Variants in ST18 observed in about 807,000 individuals in gnomAD.
The protein encoded by ST18 is ST18 C2H2C-type zinc finger transcription factor, also known as suppression of tumorigenicity 18 protein.
ST18 carries 50 observed loss-of-function variants against 110.0 expected under a neutral mutation model. The observed-to-expected ratio is 0.45, with a 90% CI of 0.36 to 0.58. The LOEUF (loss-of-function observed/expected upper bound fraction) is 0.58, where lower values mean the gene tolerates loss of function less well. Ranked by LOEUF, ST18 falls within the 20% of genes least tolerant of loss-of-function variation. The probability of loss-of-function intolerance (pLI) is 0.00; values close to 1 mark genes in which losing one functional copy is unlikely to be tolerated. For synonymous variants in ST18, 461 were observed against 452.4 expected, an observed-to-expected ratio of 1.02 and a Z score of -0.24; for missense variants, 1,306 against 1,280.1, an observed-to-expected ratio of 1.02 and a Z score of -0.31.
intron 2 of ST18, among the ~76,000 whole-genome samples, chr8:52,394,465 A>C (rs1840409964): frequency 6.6e-6 from 1 of 152,212 alleles, no homozygotes; most frequent in South Asian, 2.1e-4. Flanking sequence ...TGTCCCCAAA[A>C]GTGCATCCCA....
rs188370302 is a variant in ST18 at position 52,275,790 on chromosome 8, A to G, written c.-464-45713T>C. On this transcript the variant is annotated intron_variant, in intron 2 of 25. Coordinates refer to ENST00000689386, the MANE Select transcript of ST18 (RefSeq NM_001352837.2). ...GAGATTCTTCATAGCACTGTGAGAC[A>G]GTGCTTCCCATGCCCACACCTCATA... Among the ~76,000 whole-genome samples the G allele has an allele frequency of 2.0e-5, 3 of 152,232 alleles. No homozygotes were observed. In the East Asian group the frequency reaches 5.8e-4, roughly 29 times the overall value.
At chr8:52,185,453 A>T (rs2071677804) in intron 8 of ST18, among the ~76,000 whole-genome samples, 1 of 152,182 alleles carries the variant, frequency 6.6e-6, no homozygotes, top group African/African-American at 2.4e-5. Flanking sequence ...GAAAAGAACC[A>T]AGAAGAGCAA....
intron 17 of ST18, among the ~76,000 whole-genome samples, chr8:52,139,809 T>C (rs2054192575): frequency 6.6e-6 from 1 of 152,198 alleles, no homozygotes. Flanking sequence ...TTGGTTGTAT[T>C]AAAAGGTCAA....
intron 2 of ST18, among the ~76,000 whole-genome samples, chr8:52,241,887 T>A (rs2093439049): frequency 6.6e-6 from 1 of 152,210 alleles, no homozygotes; most frequent in Admixed American, 6.5e-5. Flanking sequence ...CCTTTTTTTT[T>A]TCCATTAGAG....
At chr8:52,214,486 T>C (rs1323786790) in intron 6 of ST18, among the ~76,000 whole-genome samples, 2 of 152,308 alleles carry the variant, frequency 1.3e-5, no homozygotes, top group East Asian at 1.9e-4. Context: ...AGAGGGCAGA[T>C]GTCCTTGTCC....
At chr8:52,324,936 C>A (rs1805615286) in intron 2 of ST18, among the ~76,000 whole-genome samples, 1 of 152,108 alleles carries the variant, frequency 6.6e-6, no homozygotes, top group Non-Finnish European at 1.5e-5. Flanking sequence ...CTGTGAAACC[C>A]CGCTGGGAAA....
At chr8:52,267,524 C>T (rs1251388345) in intron 2 of ST18, among the ~76,000 whole-genome samples, 5 of 151,140 alleles carry the variant, frequency 3.3e-5, no homozygotes, top group Admixed American at 2.0e-4. Flanking sequence ...CTCTACACTC[C>T]CCTTGGAGAT....
chr8:52,332,530 CTTTTTTTTTTTT>C (rs140331895), intron 2 of ST18, among the ~76,000 whole-genome samples: 2 of 49,768 alleles, frequency 4.0e-5, no homozygotes, highest in East Asian at 7.9e-4. Context: ...TCTAATGTAG[CTTTTTTTTTTTT>C]TTTTTTTTTT....
intron 8 of ST18, among the ~76,000 whole-genome samples, chr8:52,207,715 A>C (rs1252558597): frequency 6.6e-6 from 1 of 152,200 alleles, no homozygotes; most frequent in Non-Finnish European, 1.5e-5. Flanking sequence ...GAACGGACAG[A>C]GAGATTTGAC....
chr8:52,162,055 A>G (rs1460987745), intron 13 of ST18, among the ~76,000 whole-genome samples: 1 of 152,140 alleles, frequency 6.6e-6, no homozygotes, highest in Non-Finnish European at 1.5e-5. Context: ...TACTAAAAAT[A>G]CCAAAATTAG....
chr8:52,117,694 C>A (rs1353632509), intron 24 of ST18, among the ~76,000 whole-genome samples: 1 of 152,164 alleles, frequency 6.6e-6, no homozygotes, highest in East Asian at 1.9e-4. Context: ...GCATAAAAAT[C>A]CTGCATTTCA....
At chr8:52,255,603 A>G (rs1265809791) in intron 2 of ST18, among the ~76,000 whole-genome samples, 1 of 152,202 alleles carries the variant, frequency 6.6e-6, no homozygotes, top group Non-Finnish European at 1.5e-5. Flanking sequence ...GCTGAACTAC[A>G]TATTAACATT....
At chr8:52,201,954 C>A (rs894822495) in intron 8 of ST18, among the ~76,000 whole-genome samples, 1 of 152,160 alleles carries the variant, frequency 6.6e-6, no homozygotes, top group Non-Finnish European at 1.5e-5. Context: ...TAAAGGAAGA[C>A]CCTTATTGAT....
intron 2 of ST18, among the ~76,000 whole-genome samples, chr8:52,385,160 A>T (rs1424316244): frequency 2.6e-5 from 4 of 152,210 alleles, no homozygotes; most frequent in Admixed American, 2.6e-4. Flanking sequence ...CTGAACTAGA[A>T]ATACAGAATG....
At chr8:52,395,215 A>C (rs1307011065) in intron 2 of ST18, among the ~76,000 whole-genome samples, 1 of 152,248 alleles carries the variant, frequency 6.6e-6, no homozygotes. Context: ...GCCAAGTACT[A>C]TTCTAAGGGC....
chr8:52,221,453 G>GCTCTAT (rs1564149235), intron 4 of ST18, among the ~76,000 whole-genome samples, 187 bp downstream of exon 4: 10 of 152,090 alleles, frequency 6.6e-5, no homozygotes, highest in African/African-American at 2.4e-4. Flanking sequence ...ACCTCTATGT[G>GCTCTAT]GTCCCAGGGA....
chr8:52,213,134 ATAATACAG>A (rs1240647991), intron 7 of ST18, among the ~76,000 whole-genome samples: 1 of 152,218 alleles, frequency 6.6e-6, no homozygotes, highest in African/African-American at 2.4e-5. Flanking sequence ...AGACTGGAAA[ATAATACAG>A]TATAAAATTT....
At chr8:52,289,367 G>C (rs951857974) in intron 2 of ST18, among the ~76,000 whole-genome samples, 1 of 152,170 alleles carries the variant, frequency 6.6e-6, no homozygotes, top group African/African-American at 2.4e-5. Flanking sequence ...CGCTGAGGCA[G>C]GAGAATCACC....
chr8:52,281,442 T>C (rs1035269675), intron 2 of ST18, among the ~76,000 whole-genome samples: 15 of 152,116 alleles, frequency 9.9e-5, no homozygotes, highest in Middle Eastern at 3.4e-3. Context: ...GAAAGAAGAA[T>C]AGTATGAATA....
Sources: gnomAD v4.1 joint callset for allele counts (sites outside exome capture counted in the v4.1 genomes callset) on GRCh38, gnomAD v4.1.1 for gene constraint, MANE v1.5 for transcripts, NCBI Gene and HGNC (gene_info 2026-07-23, HGNC 2026-07-21) for gene names.